TNFSF11: variants seen among roughly 807,000 people sequenced by gnomAD.
TNFSF11 encodes the protein tumor necrosis factor ligand superfamily member 11.
In TNFSF11, 12 loss-of-function variants were observed where a neutral mutation model predicts 32.2. The ratio of observed to expected loss-of-function variants is 0.37; its 90% CI spans 0.24 to 0.60. The LOEUF is 0.60. TNFSF11 is among the 20% of genes least tolerant of loss of function. TNFSF11 has a pLI of 0.66. For synonymous variants in TNFSF11, 172 were observed against 152.1 expected (o/e 1.13, Z -0.96); for missense variants, 345 against 398.0 (o/e 0.87, Z 1.13).
intron 1 of TNFSF11, among the ~76,000 whole-genome samples, chr13:42,563,609 G>A (rs995954449): frequency 6.7e-6 from 1 of 150,270 alleles, no homozygotes; most frequent in Non-Finnish European, 1.5e-5. Context: ...GTTGCAGTGA[G>A]CTGAGATTGC....
intron 2 of TNFSF11, among the ~76,000 whole-genome samples, chr13:42,591,100 A>G (rs1474642871): frequency 6.6e-6 from 1 of 152,112 alleles, no homozygotes; most frequent in Admixed American, 6.5e-5. Context: ...TGGGCATGGG[A>G]TGGTGGCCGC....
chr13:42,579,175 T>A (rs1311971532), intron 1 of TNFSF11, among the ~76,000 whole-genome samples: 2 of 151,908 alleles, frequency 1.3e-5, no homozygotes, highest in Non-Finnish European at 2.9e-5. Context: ...GGAGGATTGC[T>A]TAAGCCCAAG....
chr13:42,585,002 TC>T (rs1420600610), intron 2 of TNFSF11, among the ~76,000 whole-genome samples: 10 of 152,252 alleles, frequency 6.6e-5, no homozygotes, highest in African/African-American at 2.4e-4. Flanking sequence ...ATCATTAGAA[TC>T]AATCAGTGTT....
intron 1 of TNFSF11, among the ~76,000 whole-genome samples, chr13:42,577,215 C>T (rs1437215570): frequency 6.6e-6 from 1 of 152,074 alleles, no homozygotes; most frequent in African/African-American, 2.4e-5. Flanking sequence ...TATGCAAGTC[C>T]TCAAGGAAAA....
chr13:42,595,438 G>C (rs1315337088), intron 2 of TNFSF11, among the ~76,000 whole-genome samples: 1 of 152,216 alleles, frequency 6.6e-6, no homozygotes, highest in Non-Finnish European at 1.5e-5. Flanking sequence ...GCGTGTAACA[G>C]ATGATGAATA....
At chr13:42,581,763 T>A (rs1873629365) in intron 2 of TNFSF11, among the ~76,000 whole-genome samples, 1 of 152,190 alleles carries the variant, frequency 6.6e-6, no homozygotes, top group African/African-American at 2.4e-5. Flanking sequence ...CTTGGTCCTT[T>A]GCTGTCATCT....
chr13:42,581,432 G>T, intron 2 of TNFSF11, 139 bp downstream of exon 2: 1 of 935,884 alleles, frequency 1.1e-6, no homozygotes. Context: ...ATGCTTTAAA[G>T]AGATTAGCAG....
In TNFSF11 at chr13:42,574,443, C is replaced by T. The variant is rs757600401; in HGVS notation, c.140C>T (p.Ser47Phe). The change falls in exon 1 of 5, where the codon TCC becomes TTC. Residue 47 changes from serine (S) to phenylalanine (F), a missense_variant. Around this residue, in one of 2 missense-constraint regions of TNFSF11, gnomAD observed 197 missense variants for 182.0 expected, o/e 1.08. Transcript: ENST00000398795. ...APHQPPAASR[S>F]MFVALLGLGL... is the part of the protein sequence containing the mutation. The stretch of plus-strand genomic sequence containing the variant: ...CACCAGCCCCCTGCCGCCTCCCGCT[C>T]CATGTTCGTGGCCCTCCTGGGGCTG... 52 of 1,607,178 alleles carry T rather than the reference C, an allele frequency of 3.2e-5. No individual in the cohort carries two copies. The highest frequency in any genetic ancestry group is 3.9e-5 in the Non-Finnish European group (46 of 1,179,336).
upstream of TNFSF11, among the ~76,000 whole-genome samples, chr13:42,573,535 T>C (rs9533156): frequency 0.47 from 70,716 of 152,020 alleles, 16,683 homozygotes; most frequent in African/African-American, 0.51. Flanking sequence ...TTCTCTGCAC[T>C]GTTTTCATCT....
At chr13:42,600,657 G>A (rs1368623795) in intron 2 of TNFSF11, 95 bp from the exon 3 acceptor site, 1 of 1,317,060 alleles carries the variant, frequency 7.6e-7, no homozygotes, top group Non-Finnish European at 1.1e-6. Flanking sequence ...AAGGAAAAGA[G>A]GGTTAATTTG....
chr13:42,605,969 T>A (rs1234627013), intron 4 of TNFSF11, among the ~76,000 whole-genome samples: 1 of 152,228 alleles, frequency 6.6e-6, no homozygotes, highest in East Asian at 1.9e-4. Flanking sequence ...ATGTGGAAAT[T>A]GTCTTCCTAT....
At chr13:42,583,337 G>A (rs1873709643) in intron 2 of TNFSF11, among the ~76,000 whole-genome samples, 3 of 149,998 alleles carry the variant, frequency 2.0e-5, no homozygotes, top group Non-Finnish European at 3.0e-5. Context: ...GCTTGGGCCT[G>A]GGAGGTGGAC....
In TNFSF11 at chr13:42,574,214, G is replaced by C; in HGVS notation, c.-90G>C. On this transcript the variant is annotated 5_prime_UTR_variant, in exon 1 of 5. Transcript: ENST00000398795. ...CTCCAAGTCGGCGCCCCACGTCGAG[G>C]CTCCGCCGCAGCCTCCGGAGTTGGC... The C allele has an allele frequency of 6.6e-7, 1 of 1,507,464 alleles. No homozygotes were observed. The highest frequency in any genetic ancestry group is 1.2e-5 in the South Asian group (1 of 82,566). The allele number at this position is 1,507,464 out of a possible 1,614,324, so 93.4% of individuals were successfully genotyped here. A position where few individuals can be genotyped will look rare whatever the true frequency, so the allele number is the denominator to read the frequency against.
rs900243490 is a variant in TNFSF11, at chr13:42,606,664, G to A, written c.700G>A (p.Glu234Lys). The A allele has an allele frequency of 3.7e-6, 6 of 1,614,102 alleles. No individual in the cohort carries two copies. The highest frequency in any genetic ancestry group is 3.3e-5 in the Admixed American group (2 of 60,000). The stretch of plus-strand genomic sequence containing the variant: ...TGAAACTTCAGGAGACCTAGCTACA[G>A]AGTATCTTCAACTAATGGTGTACGT... Reference protein sequence around the residue: ...HHETSGDLATEYLQLMVYVTK... With the variant: ...HHETSGDLATKYLQLMVYVTK... The change falls in exon 5 of 5, where the codon GAG becomes AAG. Residue 234 changes from glutamate to lysine, a missense_variant. Around this residue, in one of 2 missense-constraint regions of TNFSF11, gnomAD observed 148 missense variants for 216.0 expected, o/e 0.69. Transcript: ENST00000398795.
intron 2 of TNFSF11, among the ~76,000 whole-genome samples, chr13:42,599,338 T>TATCATC (rs1374270083): frequency 3.8e-5 from 4 of 105,984 alleles, no homozygotes; most frequent in African/African-American, 1.5e-4. Flanking sequence ...TCTATCTATC[T>TATCATC]ATCTATCTAT....
chr13:42,593,122 T>A (rs537504675), intron 2 of TNFSF11, among the ~76,000 whole-genome samples: 4 of 152,316 alleles, frequency 2.6e-5, no homozygotes, highest in Non-Finnish European at 5.9e-5. Context: ...AAGGGTCACA[T>A]CATTAGCATA....
chr13:42,586,584 A>T (rs56718010), intron 2 of TNFSF11, among the ~76,000 whole-genome samples: 3,212 of 152,268 alleles, frequency 0.021, 120 homozygotes, highest in African/African-American at 0.073. Context: ...TGCTATGTAG[A>T]GGTGGGCTTA....
chr13:42,580,914 T>C (rs1270465046), intron 1 of TNFSF11, among the ~76,000 whole-genome samples: 1 of 152,234 alleles, frequency 6.6e-6, no homozygotes. Flanking sequence ...GGACTAACTG[T>C]GCCTTGTCCT....
At chr13:42,565,228 A>AT (rs1349771503) in intron 1 of TNFSF11, among the ~76,000 whole-genome samples, 2 of 8,692 alleles carry the variant, frequency 2.3e-4, no homozygotes, top group Admixed American at 1.4e-3. Context: ...ATATATATAT[A>AT]TATTTTTTTC....
Sources: gnomAD v4.1 joint callset for allele counts (sites outside exome capture counted in the v4.1 genomes callset) on GRCh38, gnomAD v4.1.1 for gene constraint, gnomAD v4.1.1 regional missense constraint, MANE v1.5 for transcripts, NCBI Gene and HGNC (gene_info 2026-07-23, HGNC 2026-07-21) for gene names.